USP16: variants seen among roughly 807,000 people sequenced by gnomAD.
USP16 encodes the protein ubiquitin carboxyl-terminal hydrolase 16.
Under a neutral mutation model 95.9 loss-of-function variants are expected in USP16, and 77 were observed. That is an observed-to-expected ratio of 0.80 (90% confidence interval 0.67 to 0.97). The LOEUF is 0.97. USP16 is among the 50% of genes least tolerant of loss of function. USP16 has a pLI of 0.00. For synonymous variants in USP16, 303 were observed against 318.2 expected (o/e 0.95, Z 0.51); for missense variants, 943 against 959.9 (o/e 0.98, Z 0.23).
In USP16 at chr21:29,034,820, G is replaced by T; in HGVS notation, c.241-17G>T. On this transcript the variant is annotated splice_polypyrimidine_tract_variant and intron_variant, in intron 3 of 17. Transcript: ENST00000399976. ...GAGTTTTTATGGCTTTGAGGTTTAT[G>T]ATTATGATTTTTTTAGGGCTGTGGC... 1 of 1,613,308 alleles carries T rather than the reference G, an allele frequency of 6.2e-7. No individual in the cohort carries two copies. Among genetic ancestry groups the T allele is most frequent in the South Asian group, 1.1e-5 (1 of 91,054 alleles).
chr21:29,032,177 T>A (rs1418982292), intron 3 of USP16, among the ~76,000 whole-genome samples: 7 of 152,198 alleles, frequency 4.6e-5, no homozygotes, highest in Admixed American at 4.6e-4. Flanking sequence ...AGTCATTTCA[T>A]CAAAAATGTT....
Position 29,036,323 on chromosome 21 carries a change from C to A in USP16, c.397C>A (p.Gln133Lys). 1 of 1,613,866 alleles carries A rather than the reference C, an allele frequency of 6.2e-7. No individual in the cohort carries two copies. The highest frequency in any genetic ancestry group is 1.1e-5 in the South Asian group (1 of 91,034). ...GTATTGTAGTTCAAACCAGTTGGGT[C>A]AAGTGGTTGATTATGTCAGAAAACA... ...VQYCSSNQLG[Q>K]VVDYVRKQAS... The change falls in exon 5 of 18, where the codon CAA becomes AAA. Residue 133 changes from glutamine to lysine, a missense_variant. Transcript: ENST00000399976.
chr21:29,048,990 C>G, intron 15 of USP16, 135 bp downstream of exon 15: 1 of 690,672 alleles, frequency 1.4e-6, no homozygotes, highest in Non-Finnish European at 2.3e-6. Flanking sequence ...TCAATGAAGT[C>G]AGAAAGGGAA....
intron 9 of USP16, among the ~76,000 whole-genome samples, chr21:29,040,397 A>G (rs2085225662): frequency 6.6e-6 from 1 of 152,206 alleles, no homozygotes; most frequent in Non-Finnish European, 1.5e-5. Context: ...TCTTGAAATG[A>G]TAAGATAATA....
chr21:29,036,934 G>A lies in USP16; in HGVS notation c.449-342G>A, dbSNP rs146876888. ...ATTAAAAAATTTATTTCATGTCCAT[G>A]TTCTTGATTGTTTTATATTCTTAAT... On this transcript the variant is annotated intron_variant, in intron 5 of 17. Coordinates refer to ENST00000399976, the MANE Select transcript of USP16 (RefSeq NM_006447.3). Among the ~76,000 whole-genome samples the A allele has an allele frequency of 3.9e-5, 6 of 152,264 alleles. No individual in the cohort carries two copies. The East Asian group carries it at 7.7e-4, about 20-fold the overall frequency.
At chr21:29,026,589 C>T (rs1043102817) in intron 1 of USP16, 1 of 120,498 alleles carries the variant, frequency 8.3e-6, no homozygotes, top group Non-Finnish European at 1.6e-5. Flanking sequence ...GCTTTGTTGC[C>T]CAGGCTAGTC....
chr21:29,054,287 T>G lies in USP16; in HGVS notation c.*100T>G, dbSNP rs1255824442. ...AATTAAAATCATGTTCACTTAACAT[T>G]AAATACATGCCAGAAGAAATCATGT... On this transcript the variant is annotated 3_prime_UTR_variant, in exon 18 of 18. Transcript: ENST00000399976. 7.4e-7 allele frequency: 1 copy of G among 1,350,438 alleles called. No homozygotes were observed. Among genetic ancestry groups the G allele is most frequent in the Non-Finnish European group, 1.0e-6 (1 of 986,126 alleles). 83.7% of individuals were successfully genotyped at this position (1,350,438 alleles called of 1,614,324 possible). A position where few individuals can be genotyped will look rare whatever the true frequency, so the allele number is the denominator to read the frequency against.
intron 7 of USP16, among the ~76,000 whole-genome samples, chr21:29,038,703 T>G (rs2085199549): frequency 6.6e-6 from 1 of 152,240 alleles, no homozygotes; most frequent in South Asian, 2.1e-4. Flanking sequence ...ATTATTATTT[T>G]TAACATCTTT....
intron 10 of USP16, 122 bp downstream of exon 10, chr21:29,040,809 G>A (rs1180396106): frequency 1.2e-4 from 51 of 433,372 alleles, no homozygotes; most frequent in Non-Finnish European, 1.9e-4. Flanking sequence ...CTTTATCAAC[G>A]TTGATTAGTA....
rs1233128198 is a variant in USP16 at position 29,036,328 on chromosome 21, G to A, written c.402G>A (p.Val134=). The A allele has an allele frequency of 4.3e-6, 7 of 1,613,854 alleles. No homozygotes were observed. Among genetic ancestry groups the A allele is most frequent in the Non-Finnish European group, 5.9e-6 (7 of 1,179,870 alleles). The change falls in exon 5 of 18, where the codon GTG becomes GTA. Residue 134 remains valine, a synonymous_variant. Coordinates refer to ENST00000399976, the MANE Select transcript of USP16 (RefSeq NM_006447.3). ...GTAGTTCAAACCAGTTGGGTCAAGT[G>A]GTTGATTATGTCAGAAAACAAGCCA... ...QYCSSNQLGQ[V]VDYVRKQASI... is the part of the protein sequence containing the mutation.
intron 13 of USP16, among the ~76,000 whole-genome samples, chr21:29,044,348 T>C (rs1006881843): frequency 4.6e-5 from 7 of 152,088 alleles, no homozygotes; most frequent in Non-Finnish European, 8.8e-5. Flanking sequence ...TTGGTTTTTT[T>C]CCCCCTTTCT....
At chr21:29,046,087 G>T (rs1018508171) in intron 13 of USP16, among the ~76,000 whole-genome samples, 2 of 152,310 alleles carry the variant, frequency 1.3e-5, no homozygotes, top group Admixed American at 6.5e-5. Flanking sequence ...GCCTCCCAAA[G>T]TGCTGGGGTT....
At chr21:29,047,970 G>GTATA (rs144778465) in intron 14 of USP16, among the ~76,000 whole-genome samples, 1 of 148,584 alleles carries the variant, frequency 6.7e-6, no homozygotes, top group African/African-American at 2.5e-5. Context: ...GTGTGTGTAT[G>GTATA]TATATATATA....
rs1322470353 is a variant in USP16, at chr21:29,027,946, T to A, written c.33T>A (p.Val11=). MGKKRTKGKT[V]PIDDSSETLE... ...AGAAACGGACAAAGGGAAAAACTGT[T>A]CCAATCGATGATTCCTCTGAAACTT... Residue 11 remains valine (V), a synonymous_variant, in exon 2 of 18, where the codon GTT becomes GTA. Transcript: ENST00000399976. 19 of 1,613,556 alleles carry A rather than the reference T, an allele frequency of 1.2e-5. No individual in the cohort carries two copies. Among genetic ancestry groups the A allele is most frequent in the Admixed American group, 1.7e-5 (1 of 60,010 alleles).
rs748205755 is a variant in USP16, at chr21:29,047,250, G to A, written c.1940G>A (p.Arg647Gln). 39 of 1,613,978 alleles carry A rather than the reference G, an allele frequency of 2.4e-5. No homozygotes were observed. Among genetic ancestry groups the A allele is most frequent in the Non-Finnish European group, 3.1e-5 (36 of 1,180,018 alleles). Residue 647 changes from arginine to glutamine, a missense_variant, in exon 14 of 18, where the codon CGA (arginine) becomes CAA (glutamine). Physicochemically the swap from Arg to Gln is conservative, Grantham distance 43 (BLOSUM62 1). Transcript: ENST00000399976. ...LYQFTRNEKL[R>Q]DANKLLCEVC... ...CAGTTCACCCGTAATGAGAAACTTC[G>A]AGATGCGAATAAACTGCTTTGTGAA...
intron 3 of USP16, among the ~76,000 whole-genome samples, chr21:29,034,302 CTTT>C (rs575549987): frequency 2.2e-5 from 3 of 136,368 alleles, no homozygotes; most frequent in Non-Finnish European, 3.2e-5. Context: ...GCATGGTTTT[CTTT>C]TTTTTTTTTT....
In USP16 at chr21:29,047,341, G is replaced by C. The variant is rs771627125; in HGVS notation, c.2011+20G>C. The C allele has an allele frequency of 6.3e-7, 1 of 1,581,768 alleles. No homozygotes were observed. The highest frequency in any genetic ancestry group is 1.2e-5 in the South Asian group (1 of 84,882). ...TAAAAGGTATTTTAATGCTCTCACTGTAAGTAAAATTAATATTCAGGGGCA... is the reference window on the plus strand; with the variant it reads ...TAAAAGGTATTTTAATGCTCTCACTCTAAGTAAAATTAATATTCAGGGGCA... On this transcript the variant is annotated intron_variant, in intron 14 of 17. Coordinates refer to ENST00000399976, the MANE Select transcript of USP16 (RefSeq NM_006447.3).
At chr21:29,029,868 A>G (rs2085052606) in intron 2 of USP16, among the ~76,000 whole-genome samples, 1 of 152,204 alleles carries the variant, frequency 6.6e-6, no homozygotes, top group African/African-American at 2.4e-5. Context: ...TGTGGGTACT[A>G]AATCTTAGTT....
chr21:29,052,891 C>T (rs56404428), intron 16 of USP16: 27,750 of 152,202 alleles, frequency 0.18, 3,284 homozygotes, highest in South Asian at 0.26. Context: ...GAGGCTGAGG[C>T]GGGAGGATCA....
Sources: gnomAD v4.1 joint callset for allele counts (sites outside exome capture counted in the v4.1 genomes callset) on GRCh38, gnomAD v4.1.1 for gene constraint, MANE v1.5 for transcripts, NCBI Gene and HGNC (gene_info 2026-07-23, HGNC 2026-07-21) for gene names.